MGAM2: variants seen among roughly 807,000 people sequenced by gnomAD.
MGAM2 encodes maltase-glucoamylase 2 (putative), also known as probable maltase-glucoamylase 2.
In MGAM2, 98 loss-of-function variants were observed where a neutral mutation model predicts 96.1. The ratio of observed to expected loss-of-function variants is 1.02; its 90% CI spans 0.87 to 1.21. MGAM2 has a LOEUF of 1.21. Among genes scored for constraint, MGAM2 ranks in the 50% most tolerant of loss-of-function variants. The pLI is 0.00. For synonymous variants in MGAM2, 749 were observed against 414.8 expected (o/e 1.81, Z -9.79); for missense variants, 2,055 against 1,182.4 (o/e 1.74, Z -10.82).
chr7:142,177,090 G>A, intron 32 of MGAM2, among the ~76,000 whole-genome samples: 1 of 152,116 alleles, frequency 6.6e-6, no homozygotes, highest in South Asian at 2.1e-4. Context: ...GAGGTTTGGA[G>A]TATGTATTAG....
rs1313614193 is a variant in MGAM2, at chr7:142,128,436, C to T, written c.187-2512C>T. On this transcript the variant is annotated intron_variant, in intron 3 of 47. Transcript: ENST00000477922. ...GTAACAAGGAGTCAAATGGTAATTG[C>T]CAAGACAACGGGAAAAATGGCTCCA... 2.0e-5 allele frequency among the ~76,000 whole-genome samples: 3 copies of T among 152,158 alleles called. 1 individual carries two copies. Among genetic ancestry groups the T allele is most frequent in the African/African-American group, 7.2e-5 (3 of 41,422 alleles).
intron 37 of MGAM2, among the ~76,000 whole-genome samples, chr7:142,195,390 C>G (rs1261620817): frequency 1.7e-5 from 2 of 114,360 alleles, no homozygotes; most frequent in African/African-American, 6.8e-5. Flanking sequence ...GAGTCTTGCT[C>G]TATCACCTAG....
chr7:142,160,636 A>C (rs1795860146), intron 21 of MGAM2, among the ~76,000 whole-genome samples: 1 of 151,554 alleles, frequency 6.6e-6, no homozygotes, highest in Non-Finnish European at 1.5e-5. Context: ...TTGGGGGTCA[A>C]GAGCTCAGAT....
At chr7:142,218,041 G>A (rs1234671277) in intron 46 of MGAM2, among the ~76,000 whole-genome samples, 1 of 152,046 alleles carries the variant, frequency 6.6e-6, no homozygotes, top group Non-Finnish European at 1.5e-5. Flanking sequence ...CCCAGACCAC[G>A]CCATTGCACT....
At chr7:142,206,391 G>A (rs1338136380) in intron 45 of MGAM2, among the ~76,000 whole-genome samples, 1 of 152,094 alleles carries the variant, frequency 6.6e-6, no homozygotes, top group East Asian at 1.9e-4. Context: ...GATGTCAAAA[G>A]CAAAGTTATC....
intron 46 of MGAM2, among the ~76,000 whole-genome samples, chr7:142,214,209 T>C (rs756881877): frequency 2.9e-4 from 44 of 152,172 alleles, no homozygotes; most frequent in Non-Finnish European, 1.6e-4. Context: ...TCATATTGAA[T>C]AGGAAAAAGC....
chr7:142,115,259 C>T (rs1487642038), intron 1 of MGAM2, among the ~76,000 whole-genome samples: 17 of 152,166 alleles, frequency 1.1e-4, no homozygotes, highest in Non-Finnish European at 1.0e-4. Flanking sequence ...GTGAGAGGCA[C>T]TGTCAAGACC....
At chr7:142,167,724 C>A (rs777939576) in intron 26 of MGAM2, among the ~76,000 whole-genome samples, 3 of 152,058 alleles carry the variant, frequency 2.0e-5, no homozygotes, top group Admixed American at 6.6e-5. Context: ...AGGTGTGCTC[C>A]GACACACCTG....
chr7:142,132,978 C>A (rs1794944900), intron 6 of MGAM2, among the ~76,000 whole-genome samples: 1 of 129,408 alleles, frequency 7.7e-6, no homozygotes. Context: ...AAATATTTAA[C>A]ATATATTTAA....
intron 15 of MGAM2, among the ~76,000 whole-genome samples, chr7:142,151,788 GTCTT>G (rs67959846): frequency 0.064 from 9,802 of 152,276 alleles, 380 homozygotes; most frequent in East Asian, 0.15. Flanking sequence ...AATAGTAGGT[GTCTT>G]TCTAATTTCT....
chr7:142,210,259 C>T (rs1196788673), intron 46 of MGAM2, among the ~76,000 whole-genome samples: 2 of 151,934 alleles, frequency 1.3e-5, no homozygotes, highest in Non-Finnish European at 2.9e-5. Flanking sequence ...AAGCACAAAA[C>T]TGAGTGGCCG....
In MGAM2 at chr7:142,196,673, T is replaced by A. The variant is rs1466973910; in HGVS notation, c.4516-27T>A. The A allele has an allele frequency of 5.2e-6, 4 of 770,576 alleles. No homozygotes were observed. The East Asian group carries it at 9.8e-5, about 19-fold the overall frequency. The allele number at this position is 770,576 out of a possible 1,614,324, so 47.7% of individuals were successfully genotyped here. A position where few individuals can be genotyped will look rare whatever the true frequency, so the allele number is the denominator to read the frequency against. On this transcript the variant is annotated intron_variant, in intron 39 of 47. Transcript: ENST00000477922. ...GTCAGCGCCTCATGAAATTCCCACC[T>A]CATGCTCTCATTATGCATCTTCTCA...
intron 32 of MGAM2, among the ~76,000 whole-genome samples, chr7:142,177,115 G>A (rs1796402525): frequency 6.6e-6 from 1 of 152,124 alleles, no homozygotes; most frequent in Admixed American, 6.6e-5. Context: ...TTTTCACGCT[G>A]CCAATAAAGA....
chr7:142,123,242 T>A (rs191757842), intron 3 of MGAM2, among the ~76,000 whole-genome samples: 2 of 152,228 alleles, frequency 1.3e-5, no homozygotes, highest in African/African-American at 4.8e-5. Flanking sequence ...ATTTTTTTTT[T>A]ACAGCACGAT....
At chr7:142,214,353 A>G (rs188915861) in intron 46 of MGAM2, among the ~76,000 whole-genome samples, 299 of 152,332 alleles carry the variant, frequency 2.0e-3, no homozygotes, top group African/African-American at 6.7e-3. Flanking sequence ...AAATAGGAAG[A>G]GAGGAAGCCA....
At chr7:142,116,641 C>T (rs1817411874) in intron 1 of MGAM2, among the ~76,000 whole-genome samples, 1 of 152,212 alleles carries the variant, frequency 6.6e-6, no homozygotes, top group Non-Finnish European at 1.5e-5. Context: ...GGACAATCCT[C>T]AGTTCCTCTA....
At chr7:142,196,965 T>A (rs1797061790) in intron 40 of MGAM2, 149 bp downstream of exon 40, 2 of 592,010 alleles carry the variant, frequency 3.4e-6, no homozygotes, top group Admixed American at 3.0e-5. Context: ...AGTTCAGAAC[T>A]CTGGAATTAT....
intron 31 of MGAM2, among the ~76,000 whole-genome samples, chr7:142,174,713 C>CTTTTTTTTTTTTTTT: frequency 2.6e-5 from 2 of 78,262 alleles, no homozygotes; most frequent in Admixed American, 1.3e-4. Flanking sequence ...CTCTCTCTCT[C>CTTTTTTTTTTTTTTT]TCTTTTTTTT....
chr7:142,113,372 A>G (rs1172556863), intron 1 of MGAM2, among the ~76,000 whole-genome samples: 3 of 152,096 alleles, frequency 2.0e-5, no homozygotes, highest in Non-Finnish European at 4.4e-5. Context: ...TTATTCAGAG[A>G]TCCATTAAAG....
Sources: allele counts gnomAD v4.1 joint callset (sites outside exome capture counted in the v4.1 genomes callset), GRCh38; gene constraint gnomAD v4.1.1; transcripts MANE v1.5; gene names NCBI Gene and HGNC (gene_info 2026-07-23, HGNC 2026-07-21).